Variants in COL11A1 observed in about 807,000 individuals in gnomAD.
COL11A1 encodes the protein collagen type XI alpha 1 chain, also known as collagen alpha-1(XI) chain.
COL11A1 carries 74 observed loss-of-function variants against 265.2 expected under a neutral mutation model. The ratio of observed to expected loss-of-function variants is 0.28; its 90% CI spans 0.23 to 0.34. COL11A1 has a LOEUF of 0.34. Ranked by LOEUF, COL11A1 falls within the 10% of genes least tolerant of loss-of-function variation. COL11A1 has a pLI of 1.00. For synonymous variants in COL11A1, 816 were observed against 727.6 expected, an observed-to-expected ratio of 1.12 and a Z score of -1.96; for missense variants, 2,165 against 2,263.6, an observed-to-expected ratio of 0.96 and a Z score of 0.88.
intron 4 of COL11A1, among the ~76,000 whole-genome samples, chr1:103,047,215 G>C (rs1296926520): frequency 6.6e-6 from 1 of 152,072 alleles, no homozygotes; most frequent in Non-Finnish European, 1.5e-5. Flanking sequence ...CCAATTTCAC[G>C]ATATTGATTT....
At chr1:103,107,941 G>A in intron 1 of COL11A1, 132 bp downstream of exon 1, 1 of 731,138 alleles carries the variant, frequency 1.4e-6, no homozygotes, top group Non-Finnish European at 2.4e-6. Context: ...CTACAATCTG[G>A]ATTGTATTTA....
rs187171126 is a variant in COL11A1, at chr1:102,898,931, T to A, written c.4140+10A>T. On this transcript the variant is annotated intron_variant, in intron 55 of 66. Transcript: ENST00000370096. ...TAATATATATTATGTATATATTATT[T>A]TTTTTTTACCTTAGCACCTTTTTCA... 1.6e-3 allele frequency: 2,172 copies of A among 1,387,794 alleles called. 32 individuals are homozygous for A. In the African/African-American group the frequency reaches 0.028, roughly 18 times the overall value. 86.0% of individuals were successfully genotyped at this position (1,387,794 alleles called of 1,614,324 possible). A position where few individuals can be genotyped will look rare whatever the true frequency, so the allele number is the denominator to read the frequency against.
chr1:102,940,375 G>A lies in COL11A1; in HGVS notation c.3336C>T (p.Leu1112=). The change falls in exon 43 of 67, where the codon CTC becomes CTT. Residue 1112 remains leucine (L), a synonymous_variant. Transcript: ENST00000370096. ...AGCCGGCAGGACCAGCTGGCCCTGGGAGACCAACAGGACCTTGAACTCCAT... is the reference window on the plus strand; with the variant it reads ...AGCCGGCAGGACCAGCTGGCCCTGGAAGACCAACAGGACCTTGAACTCCAT... ...GRDGVQGPVG[L]PGPAGPAGSP... is the part of the protein sequence containing the mutation. 1 of 1,614,000 alleles carries A rather than the reference G, an allele frequency of 6.2e-7. No homozygotes were observed. The highest frequency in any genetic ancestry group is 8.5e-7 in the Non-Finnish European group (1 of 1,179,968).
intron 54 of COL11A1, among the ~76,000 whole-genome samples, chr1:102,910,814 C>G (rs1437847688): frequency 6.6e-6 from 1 of 152,040 alleles, no homozygotes. Flanking sequence ...TGAAAGCCAG[C>G]TATTGTGACT....
intron 2 of COL11A1, among the ~76,000 whole-genome samples, chr1:103,081,155 T>C (rs568647938): frequency 6.6e-6 from 1 of 151,988 alleles, no homozygotes; most frequent in East Asian, 1.9e-4. Context: ...CTCTTATCAC[T>C]TAAATATATA....
chr1:102,934,632 T>G, intron 45 of COL11A1, 76 bp from the exon 46 acceptor site: 2 of 1,132,746 alleles, frequency 1.8e-6, no homozygotes, highest in Non-Finnish European at 2.7e-6. Context: ...ATGTGGCCAT[T>G]TCTAATTTAA....
At chr1:103,028,011 TG>T (rs1439451663) in intron 5 of COL11A1, among the ~76,000 whole-genome samples, 4 of 151,682 alleles carry the variant, frequency 2.6e-5, no homozygotes, top group African/African-American at 9.7e-5. Flanking sequence ...TTCTGTTTTT[TG>T]TTTGTTTGTT....
chr1:102,949,697 C>T (rs1427090884), intron 41 of COL11A1, among the ~76,000 whole-genome samples: 1 of 151,972 alleles, frequency 6.6e-6, no homozygotes, highest in Non-Finnish European at 1.5e-5. Flanking sequence ...GTCTGTGTGC[C>T]CTAATTCACT....
intron 4 of COL11A1, among the ~76,000 whole-genome samples, chr1:103,057,463 A>C (rs1670333389): frequency 6.6e-6 from 1 of 152,264 alleles, no homozygotes; most frequent in Non-Finnish European, 1.5e-5. Flanking sequence ...TGAATCACAA[A>C]TGTTCTTATT....
intron 4 of COL11A1, among the ~76,000 whole-genome samples, chr1:103,069,419 T>A (rs112455069): frequency 0.035 from 5,235 of 151,720 alleles, 326 homozygotes; most frequent in African/African-American, 0.12. Flanking sequence ...TCAAAATGGG[T>A]CATGACCCAT....
Position 102,960,324 on chromosome 1 carries a change from A to G in COL11A1, c.3168+1542T>C, listed in dbSNP as rs529492760. On this transcript the variant is annotated intron_variant, in intron 41 of 66. Transcript: ENST00000370096. ...TATTCCAATATTAGGTATTCATAAT[A>G]ATTCAAATGGGTAAGTGTGAGATGA... 7.2e-5 allele frequency among the ~76,000 whole-genome samples: 11 copies of G among 152,274 alleles called. No homozygotes were observed. The East Asian group carries it at 2.1e-3, about 29-fold the overall frequency.
chr1:102,929,657 C>T (rs1657135746), intron 46 of COL11A1, among the ~76,000 whole-genome samples: 1 of 151,980 alleles, frequency 6.6e-6, no homozygotes, highest in South Asian at 2.1e-4. Flanking sequence ...ATGGGGATGG[C>T]ATTGAATCTG....
rs116963402 is a variant in COL11A1, at chr1:103,094,651, T to C, written c.107-11679A>G. 6.8e-4 allele frequency among the ~76,000 whole-genome samples: 104 copies of C among 152,212 alleles called. 1 individual carries two copies. In the East Asian group the frequency reaches 9.3e-3, roughly 14 times the overall value. On this transcript the variant is annotated intron_variant, in intron 1 of 66. Coordinates refer to ENST00000370096, the MANE Select transcript of COL11A1 (RefSeq NM_001854.4). ...ATGATAAGGAAAATCTTTATGATGA[T>C]TCACTTACATTTAATGAATACTAAA...
chr1:103,052,845 T>A (rs1669939202), intron 4 of COL11A1, among the ~76,000 whole-genome samples: 1 of 152,162 alleles, frequency 6.6e-6, no homozygotes, highest in East Asian at 1.9e-4. Flanking sequence ...AGTAATGGAA[T>A]ATAAAAATCT....
chr1:103,071,988 G>C (rs1326629619), intron 4 of COL11A1, among the ~76,000 whole-genome samples: 1 of 151,164 alleles, frequency 6.6e-6, no homozygotes, highest in Non-Finnish European at 1.5e-5. Flanking sequence ...ATTTGAAACT[G>C]ATATAGAGTA....
chr1:102,973,949 A>G (rs2101647614), intron 36 of COL11A1, among the ~76,000 whole-genome samples: 1 of 152,358 alleles, frequency 6.6e-6, no homozygotes. Context: ...CATCTGGACT[A>G]GCACAGAGGT....
rs1483597447 is a variant in COL11A1 at position 102,914,343 on chromosome 1, G to C, written c.3978+9C>G. On this transcript the variant is annotated intron_variant, in intron 52 of 66. Coordinates refer to ENST00000370096, the MANE Select transcript of COL11A1 (RefSeq NM_001854.4). ...CAAAATAATTTCTTGATTTTTCCCT[G>C]ATACTTACTGCAGGGCCAGGTTCCC... The C allele has an allele frequency of 1.3e-6, 2 of 1,597,136 alleles. No homozygotes were observed. Among genetic ancestry groups the C allele is most frequent in the Non-Finnish European group, 1.7e-6 (2 of 1,166,656 alleles).
intron 3 of COL11A1, among the ~76,000 whole-genome samples, chr1:103,076,724 C>T (rs7517160): frequency 0.09 from 13,649 of 152,164 alleles, 735 homozygotes; most frequent in African/African-American, 0.15. Context: ...GTACACTCTA[C>T]ATCTCTTATC....
Position 102,932,825 on chromosome 1 carries a change from G to A in COL11A1, c.3600+1624C>T, listed in dbSNP as rs541216208. Among the ~76,000 whole-genome samples, 354 of 151,590 alleles carry A rather than the reference G, an allele frequency of 2.3e-3. 2 individuals carry two copies. Among genetic ancestry groups the A allele is most frequent in the African/African-American group, 7.9e-3 (326 of 41,274 alleles). ...CTTTTTTCTCTAAACTTCCCTTCTT[G>A]CTTCATTTCATTCATTTCATCTTCC... On this transcript the variant is annotated intron_variant, in intron 46 of 66. Coordinates refer to ENST00000370096, the MANE Select transcript of COL11A1 (RefSeq NM_001854.4).
Sources: gnomAD v4.1 joint callset for allele counts (sites outside exome capture counted in the v4.1 genomes callset) on GRCh38, gnomAD v4.1.1 for gene constraint, MANE v1.5 for transcripts, NCBI Gene and HGNC (gene_info 2026-07-23, HGNC 2026-07-21) for gene names.